Variants in ST3GAL1 observed in about 807,000 individuals in gnomAD.
The protein encoded by ST3GAL1 is CMP-N-acetylneuraminate-beta-galactosamide-alpha-2,3-sialyltransferase 1.
ST3GAL1 carries 16 observed loss-of-function variants against 34.1 expected under a neutral mutation model. The observed-to-expected ratio is 0.47, with a 90% confidence interval of 0.32 to 0.71. ST3GAL1 has a LOEUF of 0.71. Ranked by LOEUF, ST3GAL1 falls within the 30% of genes least tolerant of loss-of-function variation. The pLI is 0.04. For synonymous variants in ST3GAL1, 191 were observed against 184.7 expected (o/e 1.03, Z -0.28); for missense variants, 353 against 447.4 (o/e 0.79, Z 1.90).
rs1242603274 is a variant in ST3GAL1, at chr8:133,455,341, T to G, written c.*4423A>C. ...ACAGGAGGTGTAAAGGTGGCTCACC[T>G]TCCCCTAGGAAATTCAGTGCTCTTT... On this transcript the variant is annotated 3_prime_UTR_variant, in exon 10 of 10. Transcript: ENST00000522652. The G allele has an allele frequency of 6.6e-6, 1 of 152,400 alleles. No individual in the cohort carries two copies. Among genetic ancestry groups the G allele is most frequent in the African/African-American group, 2.4e-5 (1 of 41,448 alleles). 9.4% of individuals were successfully genotyped at this position (152,400 alleles called of 1,614,324 possible).
intron 2 of ST3GAL1, among the ~76,000 whole-genome samples, chr8:133,531,349 G>A (rs74640035): frequency 0.043 from 6,527 of 152,234 alleles, 193 homozygotes; most frequent in Non-Finnish European, 0.068. Flanking sequence ...ATATGTGTGT[G>A]TAGCTATAGA....
At chr8:133,474,815 C>T (rs1245803672) in intron 5 of ST3GAL1, among the ~76,000 whole-genome samples, 1 of 152,206 alleles carries the variant, frequency 6.6e-6, no homozygotes, top group East Asian at 1.9e-4. Context: ...CAGAAGCCCC[C>T]TCTAAGTTTC....
At chr8:133,518,796 A>G (rs1299294066) in intron 2 of ST3GAL1, among the ~76,000 whole-genome samples, 1 of 152,150 alleles carries the variant, frequency 6.6e-6, no homozygotes, top group East Asian at 1.9e-4. Context: ...GTCTTCTAGG[A>G]GGTGCTATTT....
intron 3 of ST3GAL1, among the ~76,000 whole-genome samples, chr8:133,486,872 C>T (rs964587289): frequency 6.6e-6 from 1 of 152,200 alleles, no homozygotes; most frequent in Non-Finnish European, 1.5e-5. Flanking sequence ...CAACAATGAT[C>T]CCAGCCCCTG....
rs139422129 is a variant in ST3GAL1 at position 133,469,158 on chromosome 8, T to C, written c.307-3068A>G. Among the ~76,000 whole-genome samples the C allele has an allele frequency of 2.0e-3, 300 of 152,312 alleles. 1 individual carries two copies. Among genetic ancestry groups the C allele is most frequent in the African/African-American group, 7.1e-3 (295 of 41,564 alleles). On this transcript the variant is annotated intron_variant, in intron 5 of 9. Transcript: ENST00000522652. This position sits in a 1 kb window ranked among gnomAD's most constrained non-coding sequence, Gnocchi z 4.3. ...ACAGCACCACATCATCCTGCTGGACTCTGACTGACTTACTTTTCTTTAATG... is the reference window on the plus strand; with the variant it reads ...ACAGCACCACATCATCCTGCTGGACCCTGACTGACTTACTTTTCTTTAATG...
At chr8:133,568,561 T>C (rs1819473944) in intron 1 of ST3GAL1, among the ~76,000 whole-genome samples, 2 of 152,100 alleles carry the variant, frequency 1.3e-5, no homozygotes, top group Non-Finnish European at 2.9e-5. Context: ...AGATGGCTGG[T>C]GGATTTTATT....
intron 2 of ST3GAL1, among the ~76,000 whole-genome samples, chr8:133,506,423 A>T (rs150852912): frequency 6.6e-6 from 1 of 152,352 alleles, no homozygotes; most frequent in East Asian, 1.9e-4. Flanking sequence ...TAAATGGCAG[A>T]TCTCCTTTGT....
intron 2 of ST3GAL1, among the ~76,000 whole-genome samples, chr8:133,526,600 G>A (rs1817982546): frequency 6.6e-6 from 1 of 152,138 alleles, no homozygotes; most frequent in African/African-American, 2.4e-5. Context: ...AAAATTTTGA[G>A]ACTTTTAGGC....
chr8:133,562,866 T>TC (rs1819287653), intron 1 of ST3GAL1, among the ~76,000 whole-genome samples: 21 of 142,620 alleles, frequency 1.5e-4, no homozygotes, highest in Admixed American at 2.8e-4. Flanking sequence ...TTTTTTTTTT[T>TC]TCCCACTGGG....
At chr8:133,510,272 C>T (rs1413764004) in intron 2 of ST3GAL1, among the ~76,000 whole-genome samples, 1 of 152,148 alleles carries the variant, frequency 6.6e-6, no homozygotes, top group African/African-American at 2.4e-5. Flanking sequence ...CTCCACTTCC[C>T]AAAGTGCTTC....
At position 133,506,503 on chromosome 8, in the gene ST3GAL1, G is replaced by A. The variant is rs370298840; in HGVS notation, c.-428-7314C>T. ...GGTTGGAAGAAACTTGGCAAACTGC[G>A]GCTGGGCACGGTGGCTCACGCCTGT... On this transcript the variant is annotated intron_variant, in intron 2 of 9. Coordinates refer to ENST00000522652, the MANE Select transcript of ST3GAL1 (RefSeq NM_173344.3). Among the ~76,000 whole-genome samples the A allele has an allele frequency of 1.2e-4, 18 of 152,222 alleles. No homozygotes were observed. The East Asian group carries it at 2.7e-3, about 23-fold the overall frequency.
chr8:133,534,206 C>G (rs1184604759), intron 2 of ST3GAL1, among the ~76,000 whole-genome samples: 4 of 152,178 alleles, frequency 2.6e-5, no homozygotes, highest in Non-Finnish European at 4.4e-5. Flanking sequence ...TCGTCCTCTT[C>G]TTCTGACACC....
rs935149542 is a variant in ST3GAL1 at position 133,563,722 on chromosome 8, C to T, written c.-582+7971G>A. On this transcript the variant is annotated intron_variant, in intron 1 of 9. Transcript: ENST00000522652. ...TGATTTTACCTGTCCTCAGACTGAACCTTTGCTCATTATAATAGTAAAAAA... is the reference window on the plus strand; with the variant it reads ...TGATTTTACCTGTCCTCAGACTGAATCTTTGCTCATTATAATAGTAAAAAA... Among the ~76,000 whole-genome samples, 8 of 152,336 alleles carry T rather than the reference C, an allele frequency of 5.3e-5. No homozygotes were observed. In the South Asian group the frequency reaches 8.3e-4, roughly 16 times the overall value.
chr8:133,465,720 G>T, intron 6 of ST3GAL1, 174 bp downstream of exon 6: 1 of 621,966 alleles, frequency 1.6e-6, no homozygotes, highest in East Asian at 2.8e-5. Flanking sequence ...CTGCAATGAT[G>T]CAGAGATGGG....
chr8:133,490,256 G>T (rs1816745984), intron 3 of ST3GAL1, among the ~76,000 whole-genome samples: 1 of 152,128 alleles, frequency 6.6e-6, no homozygotes, highest in African/African-American at 2.4e-5. Context: ...CAGGTCACAT[G>T]GCTAGGAAGG....
At chr8:133,475,058 G>GAA in intron 5 of ST3GAL1, among the ~76,000 whole-genome samples, 1 of 152,240 alleles carries the variant, frequency 6.6e-6, no homozygotes, top group African/African-American at 2.4e-5. Flanking sequence ...CTCTGTGGGT[G>GAA]AAATTGTTGA....
intron 9 of ST3GAL1, among the ~76,000 whole-genome samples, chr8:133,460,380 C>T (rs970818487): frequency 1.3e-5 from 2 of 152,194 alleles, no homozygotes; most frequent in Admixed American, 1.3e-4. Context: ...CATGTGAAGT[C>T]ACTTCTTTGA....
chr8:133,501,566 T>C (rs906555209), intron 2 of ST3GAL1, among the ~76,000 whole-genome samples: 3 of 152,018 alleles, frequency 2.0e-5, no homozygotes, highest in African/African-American at 7.2e-5. Flanking sequence ...TTGGCCAACA[T>C]GGTGAAACCC....
rs905566906 is a variant in ST3GAL1 at position 133,461,675 on chromosome 8, G to A, written c.849+200C>T. 2.0e-5 allele frequency among the ~76,000 whole-genome samples: 3 copies of A among 152,188 alleles called. No homozygotes were observed. The highest frequency in any genetic ancestry group is 4.8e-5 in the African/African-American group (2 of 41,436). ...AGAATGTGCCAGAACTATTGCTCCT[G>A]AGAACTTTCTCATAGAGCACTGTTA... On this transcript the variant is annotated intron_variant, in intron 9 of 9. Transcript: ENST00000522652. This position sits in a 1 kb window ranked among gnomAD's most constrained non-coding sequence, Gnocchi z 4.7.
Sources: gnomAD v4.1 joint callset for allele counts (sites outside exome capture counted in the v4.1 genomes callset) on GRCh38, gnomAD v4.1.1 for gene constraint, Gnocchi (gnomAD v3.1) non-coding constraint, MANE v1.5 for transcripts, NCBI Gene and HGNC (gene_info 2026-07-23, HGNC 2026-07-21) for gene names.